Variants in COL4A4 observed in about 807,000 individuals in gnomAD.
COL4A4 encodes collagen alpha-4(IV) chain.
COL4A4 carries 105 observed loss-of-function variants against 192.9 expected under a neutral mutation model. That is an observed-to-expected ratio of 0.54 (90% confidence interval 0.46 to 0.64). The LOEUF (loss-of-function observed/expected upper bound fraction) is 0.64. COL4A4 is among the 30% of genes least tolerant of loss of function. COL4A4 has a pLI of 0.00. For missense variants in COL4A4, 1,967 were observed against 2,169.3 expected (o/e 0.91, Z 1.85); for synonymous variants, 762 against 769.9 (o/e 0.99, Z 0.17).
At chr2:227,091,351 T>C (rs13382950) in intron 20 of COL4A4, among the ~76,000 whole-genome samples, 66,103 of 149,404 alleles carry the variant, frequency 0.44, 15,280 homozygotes, top group South Asian at 0.55. Flanking sequence ...AGGGTTGTAA[T>C]GTAGAGTTCA....
In COL4A4 at chr2:227,103,211, T is replaced by C. The variant is rs573588775; in HGVS notation, c.817-14A>G. ...TCCTTTTATACCCTAAAAATTACAA[T>C]GAATATAATTTGGTCTATTCTTATT... On this transcript the variant is annotated splice_polypyrimidine_tract_variant and intron_variant, in intron 13 of 47. Transcript: ENST00000396625. 28 of 1,603,936 alleles carry C rather than the reference T, an allele frequency of 1.7e-5. No individual in the cohort carries two copies. Among genetic ancestry groups the C allele is most frequent in the Middle Eastern group, 3.4e-4 (2 of 5,954 alleles).
In COL4A4 at chr2:227,003,637, G is replaced by A. The variant is rs114448935; in HGVS notation, c.*3688C>T. On this transcript the variant is annotated 3_prime_UTR_variant, in exon 48 of 48. Transcript: ENST00000396625. ...AATAAGATGATAAAGCCCAATTGTA[G>A]TGCACCATTCCATTGACTATTTTTC... 1.3e-5 allele frequency: 2 copies of A among 152,278 alleles called. No individual in the cohort carries two copies. The highest frequency in any genetic ancestry group is 2.4e-5 in the African/African-American group (1 of 41,536). The allele number at this position is 152,278 out of a possible 1,614,324, so 9.4% of individuals were successfully genotyped here.
At position 227,047,549 on chromosome 2, in the gene COL4A4, C is replaced by A; in HGVS notation, c.3215G>T (p.Gly1072Val). Reference protein sequence around the residue: ...SGIDGARGPKGNKGDPASHFG... With the variant: ...SGIDGARGPKVNKGDPASHFG... ...GTGACTGGCAGGGTCACCTTTGTTT[C>A]CTGAAAGGGATAAAATGCATGTGAC... The change falls in exon 35 of 48, where the codon GGA becomes GTA. Residue 1072 changes from glycine (G) to valine (V), a missense_variant and splice_region_variant. Transcript: ENST00000396625. The A allele has an allele frequency of 6.2e-7, 1 of 1,611,238 alleles. No homozygotes were observed. The highest frequency in any genetic ancestry group is 8.5e-7 in the Non-Finnish European group (1 of 1,177,694).
rs529996559 is a variant in COL4A4, at chr2:227,041,375, G to A, written c.3505+773C>T. Among the ~76,000 whole-genome samples, 10 of 151,940 alleles carry A rather than the reference G, an allele frequency of 6.6e-5. No individual in the cohort carries two copies. In the East Asian group the frequency reaches 9.7e-4, roughly 15 times the overall value. ...CTTCAGAAATAAGATGGTAGCAACC[G>A]GGCGCTCACATCCTAGCACTTCAGG... On this transcript the variant is annotated intron_variant, in intron 37 of 47. Coordinates refer to ENST00000396625, the MANE Select transcript of COL4A4 (RefSeq NM_000092.5).
intron 37 of COL4A4, 45 bp from the exon 38 acceptor site, chr2:227,033,526 C>G (rs765411685): frequency 6.5e-7 from 1 of 1,545,648 alleles, no homozygotes; most frequent in Admixed American, 1.7e-5. Flanking sequence ...GACCAGCCAC[C>G]GGTACTCACT....
intron 1 of COL4A4, among the ~76,000 whole-genome samples, chr2:227,159,287 A>G (rs541840827): frequency 2.0e-5 from 3 of 152,360 alleles, no homozygotes; most frequent in African/African-American, 7.2e-5. Context: ...CAGTGACAGA[A>G]AGCAGATCAG....
intron 21 of COL4A4, 111 bp downstream of exon 21, chr2:227,089,757 C>A: frequency 1.1e-6 from 1 of 882,350 alleles, no homozygotes; most frequent in Non-Finnish European, 1.9e-6. Context: ...TAGTGGGTGA[C>A]TAAGGTGAGT....
intron 22 of COL4A4, among the ~76,000 whole-genome samples, chr2:227,086,358 C>A (rs1463694722): frequency 6.6e-6 from 1 of 152,124 alleles, no homozygotes; most frequent in African/African-American, 2.4e-5. Flanking sequence ...GTCTTTCATG[C>A]TCTTCTGTCT....
intron 4 of COL4A4, among the ~76,000 whole-genome samples, chr2:227,138,776 T>C (rs564198317): frequency 3.3e-5 from 5 of 152,080 alleles, no homozygotes; most frequent in South Asian, 4.1e-4. Flanking sequence ...CCCAGTAAAA[T>C]AGGCCAACAA....
At chr2:227,117,059 CA>C (rs1282426382) in intron 7 of COL4A4, among the ~76,000 whole-genome samples, 1 of 152,102 alleles carries the variant, frequency 6.6e-6, no homozygotes, top group Non-Finnish European at 1.5e-5. Context: ...AATGTTTTAA[CA>C]AAACATTTTA....
chr2:227,056,006 G>T lies in COL4A4; in HGVS notation c.2655C>A (p.Gly885=), dbSNP rs760115493. The change falls in exon 30 of 48, where the codon GGC becomes GGA. Residue 885 remains glycine (G), a synonymous_variant. Coordinates refer to ENST00000396625, the MANE Select transcript of COL4A4 (RefSeq NM_000092.5). ...PGRPGAHGPP[G]LPGIPGPFGD... Reference sequence around the variant, plus strand: ...CAAAGGGACCTGGGATTCCTGGGAGGCCTGGGGGACCATGTGCCCCAGGCC... The same window carrying T: ...CAAAGGGACCTGGGATTCCTGGGAGTCCTGGGGGACCATGTGCCCCAGGCC... The T allele has an allele frequency of 6.2e-7, 1 of 1,613,898 alleles. No homozygotes were observed. The highest frequency in any genetic ancestry group is 8.5e-7 in the Non-Finnish European group (1 of 1,179,904).
chr2:227,067,147 A>C (rs944213315), intron 25 of COL4A4, among the ~76,000 whole-genome samples: 1 of 152,230 alleles, frequency 6.6e-6, no homozygotes, highest in African/African-American at 2.4e-5. Flanking sequence ...GAAAGGGCTC[A>C]ATTCAACAAG....
At chr2:227,092,139 G>A (rs1357515351) in intron 20 of COL4A4, among the ~76,000 whole-genome samples, 1 of 152,086 alleles carries the variant, frequency 6.6e-6, no homozygotes, top group Non-Finnish European at 1.5e-5. Flanking sequence ...GTATCTAAAT[G>A]TTATGAGTTC....
intron 22 of COL4A4, among the ~76,000 whole-genome samples, chr2:227,088,237 G>A (rs751276749): frequency 2.0e-4 from 31 of 152,298 alleles, no homozygotes; most frequent in African/African-American, 6.5e-4. Flanking sequence ...TTATCTCTAC[G>A]TGTCTGATAT....
At chr2:227,097,495 A>AT in intron 19 of COL4A4, among the ~76,000 whole-genome samples, 1 of 152,282 alleles carries the variant, frequency 6.6e-6, no homozygotes, top group South Asian at 2.1e-4. Flanking sequence ...GGGTTAATTT[A>AT]TTTTTTAAAA....
chr2:227,021,020 C>G (rs886654070), intron 44 of COL4A4, among the ~76,000 whole-genome samples: 2 of 151,880 alleles, frequency 1.3e-5, no homozygotes, highest in Non-Finnish European at 2.9e-5. Context: ...TGCCCGCCAC[C>G]AAGCCCTGCT....
Position 227,051,171 on chromosome 2 carries a change from G to C in COL4A4, c.2969-13C>G. On this transcript the variant is annotated splice_polypyrimidine_tract_variant and intron_variant, in intron 32 of 47. Transcript: ENST00000396625. ...GTTCCTTTATCACCTGATGAAGTTG[G>C]AAGTGTTACAGGTCTCTGCTGAAAT... 6.2e-7 allele frequency: 1 copy of C among 1,614,026 alleles called. No individual in the cohort carries two copies. The highest frequency in any genetic ancestry group is 8.5e-7 in the Non-Finnish European group (1 of 1,179,900).
chr2:227,147,620 T>A, intron 1 of COL4A4, 36 bp from the exon 2 acceptor site: 1 of 726,424 alleles, frequency 1.4e-6, no homozygotes, highest in Non-Finnish European at 2.5e-6. Context: ...AAACACAGCA[T>A]GCATTATAAT....
At chr2:226,990,768 T>C in the COL4A4 span, among the ~76,000 whole-genome samples, 1 of 152,198 alleles carries the variant, frequency 6.6e-6, no homozygotes, top group Non-Finnish European at 1.5e-5. Context: ...TAAATCATCT[T>C]AACACGGGAA....
Sources: allele counts gnomAD v4.1 joint callset (sites outside exome capture counted in the v4.1 genomes callset), GRCh38; gene constraint gnomAD v4.1.1; transcripts MANE v1.5; gene names NCBI Gene and HGNC (gene_info 2026-07-23, HGNC 2026-07-21).